The following SPOCK3 variants were observed in gnomAD, a reference collection of about 807,000 sequenced individuals.
SPOCK3 encodes SPARC (osteonectin), cwcv and kazal like domains proteoglycan 3.
A neutral mutation model predicts 56.6 loss-of-function variants in SPOCK3; 30 were observed. That is an observed-to-expected ratio of 0.53 (90% CI 0.40 to 0.72). The LOEUF (loss-of-function observed/expected upper bound fraction) is 0.72. Ranked by LOEUF, SPOCK3 falls within the 30% of genes least tolerant of loss-of-function variation. The pLI is 0.00. For synonymous variants in SPOCK3, 196 were observed against 183.3 expected (o/e 1.07, Z -0.56); for missense variants, 527 against 530.0 (o/e 0.99, Z 0.06).
At chr4:167,056,938 C>T (rs908158939) in intron 3 of SPOCK3, among the ~76,000 whole-genome samples, 5 of 152,010 alleles carry the variant, frequency 3.3e-5, no homozygotes, top group African/African-American at 9.7e-5. Context: ...ACAGAGAACA[C>T]CACAAAGATA....
At chr4:167,035,245 T>G (rs1305675376) in intron 3 of SPOCK3, among the ~76,000 whole-genome samples, 1 of 152,118 alleles carries the variant, frequency 6.6e-6, no homozygotes, top group Non-Finnish European at 1.5e-5. Context: ...GTAGCAGTAC[T>G]TTTTTGTTGT....
At chr4:166,928,096 G>A (rs960532540) in intron 4 of SPOCK3, among the ~76,000 whole-genome samples, 6 of 152,148 alleles carry the variant, frequency 3.9e-5, no homozygotes, top group Non-Finnish European at 8.8e-5. Flanking sequence ...GGGATAATGT[G>A]GCACTATAGA....
intron 8 of SPOCK3, 140 bp from the exon 9 acceptor site, chr4:166,742,199 T>C (rs1419160235): frequency 1.7e-6 from 1 of 604,942 alleles, no homozygotes; most frequent in African/African-American, 1.9e-5. Context: ...CTTATAAAGA[T>C]ACATTCATAT....
chr4:167,133,470 G>A (rs894906056), intron 2 of SPOCK3, among the ~76,000 whole-genome samples: 9 of 152,166 alleles, frequency 5.9e-5, no homozygotes, highest in African/African-American at 1.9e-4. Context: ...GAGGCAATAT[G>A]TTGCAGAGCA....
intron 4 of SPOCK3, among the ~76,000 whole-genome samples, chr4:166,936,304 T>C (rs1017412009): frequency 7.2e-5 from 11 of 152,226 alleles, no homozygotes; most frequent in Admixed American, 2.0e-4. Context: ...GATTTTAATT[T>C]AATTAATCAC....
In SPOCK3 at chr4:167,234,077, A is replaced by G; in HGVS notation, c.97T>C (p.Ser33Pro). Residue 33 changes from serine (S) to proline (P), a missense_variant, in exon 2 of 11, where the codon TCG becomes CCG. By Grantham distance (74) the Ser-to-Pro change is moderately conservative. Coordinates refer to ENST00000357545, the MANE Select transcript of SPOCK3 (RefSeq NM_001040159.2). Reference sequence around the variant, plus strand: ...TCATCCAGAAAATTACCGCCGTCCGACCGCCCCCCGGCTGCAGCCACCGCC... The same window carrying G: ...TCATCCAGAAAATTACCGCCGTCCGGCCGCCCCCCGGCTGCAGCCACCGCC... ...AAAVAAAGGR[S>P]DGGNFLDDKQ... The G allele has an allele frequency of 6.2e-7, 1 of 1,613,004 alleles. No individual in the cohort carries two copies. The highest frequency in any genetic ancestry group is 8.5e-7 in the Non-Finnish European group (1 of 1,179,820).
chr4:166,893,731 A>G (rs1202472272), intron 5 of SPOCK3, among the ~76,000 whole-genome samples: 2 of 152,172 alleles, frequency 1.3e-5, no homozygotes, highest in Non-Finnish European at 2.9e-5. Context: ...AAATCAGAAA[A>G]TATGGAATGT....
intron 2 of SPOCK3, among the ~76,000 whole-genome samples, chr4:167,188,126 G>A (rs1432240897): frequency 1.5e-5 from 2 of 137,470 alleles, no homozygotes; most frequent in Non-Finnish European, 3.1e-5. Context: ...GGAGGTTCAC[G>A]ACTGAAAGAA....
chr4:166,932,758 A>G (rs1739936485), intron 4 of SPOCK3, among the ~76,000 whole-genome samples: 1 of 152,194 alleles, frequency 6.6e-6, no homozygotes, highest in Non-Finnish European at 1.5e-5. Context: ...ATAGATAAAT[A>G]GAGGTTAAAA....
intron 2 of SPOCK3, chr4:167,119,919 A>G: frequency 2.3e-6 from 3 of 1,316,754 alleles, no homozygotes; most frequent in Non-Finnish European, 3.1e-6. Flanking sequence ...AAGGAAAGAA[A>G]GAAAGAAAAG....
intron 4 of SPOCK3, among the ~76,000 whole-genome samples, chr4:166,934,390 C>T (rs1216739466): frequency 6.6e-6 from 1 of 151,054 alleles, no homozygotes; most frequent in African/African-American, 2.4e-5. Flanking sequence ...CCAAGCTACT[C>T]GGGAGGCTGA....
chr4:167,129,720 C>T (rs1158125473), intron 2 of SPOCK3, among the ~76,000 whole-genome samples: 3 of 151,852 alleles, frequency 2.0e-5, no homozygotes, highest in Non-Finnish European at 4.4e-5. Flanking sequence ...CTTGAGAATA[C>T]GTAAATTTAG....
At chr4:167,002,188 A>T (rs1749012550) in intron 3 of SPOCK3, among the ~76,000 whole-genome samples, 1 of 151,978 alleles carries the variant, frequency 6.6e-6, no homozygotes, top group African/African-American at 2.4e-5. Flanking sequence ...TGAACTCCTG[A>T]CCCGAAATGA....
intron 7 of SPOCK3, among the ~76,000 whole-genome samples, chr4:166,780,267 A>C (rs1248850072): frequency 1.3e-5 from 2 of 152,192 alleles, no homozygotes; most frequent in African/African-American, 2.4e-5. Context: ...TAAGCTAATA[A>C]GAAAAATTCA....
chr4:166,931,643 T>C (rs1040258233), intron 4 of SPOCK3, among the ~76,000 whole-genome samples: 54 of 152,356 alleles, frequency 3.5e-4, no homozygotes, highest in African/African-American at 9.9e-4. Context: ...TTGGTATCTA[T>C]TCTTCATCTA....
intron 3 of SPOCK3, among the ~76,000 whole-genome samples, chr4:167,059,338 A>G (rs1051414587): frequency 1.3e-4 from 20 of 152,210 alleles, no homozygotes; most frequent in East Asian, 3.9e-4. Flanking sequence ...AAAAGTGGGC[A>G]AAGGACATGA....
chr4:166,951,353 A>G lies in SPOCK3; in HGVS notation c.351-38610T>C, dbSNP rs1177098838. On this transcript the variant is annotated intron_variant, in intron 4 of 10. Coordinates refer to ENST00000357545, the MANE Select transcript of SPOCK3 (RefSeq NM_001040159.2). Reference sequence around the variant, plus strand: ...CTAGAAGAAATGGATAAATTCCTCGACACATACACTCTCCCAAGACTAAAC... The same window carrying G: ...CTAGAAGAAATGGATAAATTCCTCGGCACATACACTCTCCCAAGACTAAAC... Among the ~76,000 whole-genome samples, 2 of 137,574 alleles carry G rather than the reference A, an allele frequency of 1.5e-5. 1 individual carries two copies. The highest frequency in any genetic ancestry group is 6.1e-5 in the African/African-American group (2 of 32,828). The allele number at this position is 137,574 out of a possible 152,430, so 90.3% of individuals were successfully genotyped here.
chr4:166,949,285 T>G (rs1048366261), intron 4 of SPOCK3, among the ~76,000 whole-genome samples: 1 of 152,154 alleles, frequency 6.6e-6, no homozygotes, highest in Non-Finnish European at 1.5e-5. Flanking sequence ...GCCTTTGGTT[T>G]GAATTTCCTC....
chr4:167,090,488 A>G (rs1758606718), intron 2 of SPOCK3, among the ~76,000 whole-genome samples: 1 of 152,008 alleles, frequency 6.6e-6, no homozygotes, highest in Non-Finnish European at 1.5e-5. Flanking sequence ...TTCTGAGGCA[A>G]CAGTAGTAGA....
Sources: gnomAD v4.1 joint callset for allele counts (sites outside exome capture counted in the v4.1 genomes callset) on GRCh38, gnomAD v4.1.1 for gene constraint, MANE v1.5 for transcripts, NCBI Gene and HGNC (gene_info 2026-07-23, HGNC 2026-07-21) for gene names.